The following SPOCK3 variants were observed in gnomAD, a reference collection of about 807,000 sequenced individuals.
SPOCK3 encodes the protein testican-3.
In SPOCK3, 30 loss-of-function variants were observed where a neutral mutation model predicts 56.6. That is an observed-to-expected ratio of 0.53 (90% CI 0.40 to 0.72). The LOEUF is 0.72. Ranked by LOEUF, SPOCK3 falls within the 30% of genes least tolerant of loss-of-function variation. The probability of loss-of-function intolerance (pLI) is 0.00; values close to 1 mark genes in which losing one functional copy is unlikely to be tolerated. For synonymous variants in SPOCK3, 196 were observed against 183.3 expected, an observed-to-expected ratio of 1.07 and a Z score of -0.56; for missense variants, 527 against 530.0, an observed-to-expected ratio of 0.99 and a Z score of 0.06.
At chr4:167,157,577 G>A (rs1764923013) in intron 2 of SPOCK3, among the ~76,000 whole-genome samples, 1 of 150,664 alleles carries the variant, frequency 6.6e-6, no homozygotes, top group South Asian at 2.1e-4. Flanking sequence ...TTTCTTCTGT[G>A]AGACATTTAC....
intron 2 of SPOCK3, among the ~76,000 whole-genome samples, chr4:167,139,562 C>T (rs956872123): frequency 6.6e-6 from 1 of 151,824 alleles, no homozygotes; most frequent in African/African-American, 2.4e-5. Context: ...GATATATTTT[C>T]AATATATAAA....
chr4:167,186,949 C>G (rs375132859), intron 2 of SPOCK3, among the ~76,000 whole-genome samples: 1 of 147,208 alleles, frequency 6.8e-6, no homozygotes, highest in East Asian at 2.0e-4. Flanking sequence ...TGCACTCCAG[C>G]CTGGGTGACA....
At chr4:167,014,091 T>C (rs140555628) in intron 3 of SPOCK3, among the ~76,000 whole-genome samples, 4 of 152,242 alleles carry the variant, frequency 2.6e-5, no homozygotes, top group African/African-American at 9.6e-5. Context: ...GAAACCCCTA[T>C]AAAATCTCTT....
At chr4:167,058,354 T>C (rs955497062) in intron 3 of SPOCK3, among the ~76,000 whole-genome samples, 7 of 152,074 alleles carry the variant, frequency 4.6e-5, no homozygotes, top group Non-Finnish European at 1.0e-4. Context: ...TTTACACCAA[T>C]AACAGGCAAA....
intron 6 of SPOCK3, among the ~76,000 whole-genome samples, chr4:166,844,354 T>C (rs889104194): frequency 3.9e-5 from 6 of 152,248 alleles, no homozygotes; most frequent in Non-Finnish European, 8.8e-5. Flanking sequence ...GCACATACTT[T>C]ATGTCATAGT....
chr4:167,047,809 A>G (rs1271024592), intron 3 of SPOCK3, among the ~76,000 whole-genome samples: 7 of 152,226 alleles, frequency 4.6e-5, no homozygotes, highest in African/African-American at 1.7e-4. Flanking sequence ...GCACTTGGGG[A>G]GACCCAGGCC....
chr4:167,098,715 TC>T (rs1198323875), intron 2 of SPOCK3, among the ~76,000 whole-genome samples: 1 of 151,962 alleles, frequency 6.6e-6, no homozygotes, highest in African/African-American at 2.4e-5. Context: ...ATTTTTCTGT[TC>T]CCAGCATTTT....
At chr4:166,800,521 T>C (rs28853414) in intron 6 of SPOCK3, among the ~76,000 whole-genome samples, 7,831 of 152,156 alleles carry the variant, frequency 0.051, 640 homozygotes, top group African/African-American at 0.18. Flanking sequence ...GACAGTGATA[T>C]TGATGATCCT....
At position 166,849,767 on chromosome 4, in the gene SPOCK3, G is replaced by T. The variant is rs149163334; in HGVS notation, c.589+39363C>A. On this transcript the variant is annotated intron_variant, in intron 6 of 10. Coordinates refer to ENST00000357545, the MANE Select transcript of SPOCK3 (RefSeq NM_001040159.2). ...CTCTCCATTCACCCTTACTTCCCCAGTTCCTGTCAACTACCATTCTACTTT... is the reference window on the plus strand; with the variant it reads ...CTCTCCATTCACCCTTACTTCCCCATTTCCTGTCAACTACCATTCTACTTT... Among the ~76,000 whole-genome samples, 125 of 152,082 alleles carry T rather than the reference G, an allele frequency of 8.2e-4. 3 individuals carry two copies. The East Asian group carries it at 0.014, about 17-fold the overall frequency.
chr4:167,033,392 C>CATTATTATTATT (rs55774234), intron 3 of SPOCK3, among the ~76,000 whole-genome samples: 46 of 146,554 alleles, frequency 3.1e-4, no homozygotes, highest in African/African-American at 1.0e-3. Flanking sequence ...AGCAATTATT[C>CATTATTATTATT]ATTATTATTA....
chr4:167,209,210 A>T (rs189036904), intron 2 of SPOCK3, among the ~76,000 whole-genome samples: 3 of 152,204 alleles, frequency 2.0e-5, no homozygotes, highest in Non-Finnish European at 1.5e-5. Flanking sequence ...ATGATATGGA[A>T]TGTTCCATGT....
chr4:166,941,548 T>C (rs932931868), intron 4 of SPOCK3, among the ~76,000 whole-genome samples: 1 of 152,202 alleles, frequency 6.6e-6, no homozygotes, highest in African/African-American at 2.4e-5. Flanking sequence ...GTAGTTGGCC[T>C]CTAAGATGGT....
At chr4:167,118,916 C>T (rs1037501484) in intron 2 of SPOCK3, among the ~76,000 whole-genome samples, 15 of 152,044 alleles carry the variant, frequency 9.9e-5, no homozygotes, top group Non-Finnish European at 1.6e-4. Flanking sequence ...TACTATTATC[C>T]GCTGCTGGTT....
chr4:166,741,992 C>G lies in SPOCK3; in HGVS notation c.994+5G>C. ...AAGCCTTCAGAAGAATGATCTATTA[C>G]TCACCTAGGAGCTTCTTTACCCCTT... is the stretch of plus-strand genomic sequence containing the variant. On this transcript the variant is annotated splice_donor_5th_base_variant and intron_variant, in intron 9 of 10. Coordinates refer to ENST00000357545, the MANE Select transcript of SPOCK3 (RefSeq NM_001040159.2). The G allele has an allele frequency of 6.2e-7, 1 of 1,605,742 alleles. No homozygotes were observed. The highest frequency in any genetic ancestry group is 8.5e-7 in the Non-Finnish European group (1 of 1,173,054).
In SPOCK3 at chr4:166,952,444, G is replaced by A. The variant is rs374062434; in HGVS notation, c.351-39701C>T. On this transcript the variant is annotated intron_variant, in intron 4 of 10. Transcript: ENST00000357545. The stretch of plus-strand genomic sequence containing the variant: ...CAAGGAAATAAAAGAGGATACAAAC[G>A]AATGGAAGAACATTCCATGCTCATG... Among the ~76,000 whole-genome samples, 32 of 152,076 alleles carry A rather than the reference G, an allele frequency of 2.1e-4. No homozygotes were observed. In the South Asian group the frequency reaches 2.5e-3, roughly 12 times the overall value.
At chr4:166,787,221 G>A (rs1740823582) in intron 7 of SPOCK3, among the ~76,000 whole-genome samples, 1 of 152,086 alleles carries the variant, frequency 6.6e-6, no homozygotes, top group Non-Finnish European at 1.5e-5. Flanking sequence ...TGTAATTGGA[G>A]ATAAAGATTC....
chr4:166,852,131 A>C (rs1579426285), intron 6 of SPOCK3, among the ~76,000 whole-genome samples: 7 of 148,952 alleles, frequency 4.7e-5, no homozygotes, highest in South Asian at 2.1e-4. Context: ...GGAACATCAC[A>C]CTCTGGGAAC....
intron 2 of SPOCK3, among the ~76,000 whole-genome samples, chr4:167,166,359 G>C (rs1308456681): frequency 6.6e-6 from 1 of 151,906 alleles, no homozygotes; most frequent in Non-Finnish European, 1.5e-5. Context: ...GTACCTCAAG[G>C]CTACATACAT....
chr4:167,194,008 C>T (rs567309378), intron 2 of SPOCK3, among the ~76,000 whole-genome samples: 2 of 152,112 alleles, frequency 1.3e-5, no homozygotes, highest in Non-Finnish European at 2.9e-5. Context: ...TATTAATTTG[C>T]TTTTTGGTAT....
Sources: gnomAD v4.1 joint callset for allele counts (sites outside exome capture counted in the v4.1 genomes callset) on GRCh38, gnomAD v4.1.1 for gene constraint, MANE v1.5 for transcripts, NCBI Gene and HGNC (gene_info 2026-07-23, HGNC 2026-07-21) for gene names.